The following ANO3 variants were observed in gnomAD, a reference collection of about 807,000 sequenced individuals.
ANO3 encodes anoctamin-3.
ANO3 carries 99 observed loss-of-function variants against 144.8 expected under a neutral mutation model. The observed-to-expected ratio is 0.68, with a 90% confidence interval of 0.58 to 0.81. ANO3 has a LOEUF of 0.81. Among genes scored for constraint, ANO3 ranks in the 30% least tolerant of loss-of-function variants. The pLI is 0.00. For synonymous variants in ANO3, 414 were observed against 392.6 expected (o/e 1.05, Z -0.64); for missense variants, 905 against 1,202.2 (o/e 0.75, Z 3.66).
chr11:26,204,806 A>T (rs1363084518), intron 1 of ANO3, among the ~76,000 whole-genome samples: 2 of 152,184 alleles, frequency 1.3e-5, no homozygotes, highest in Non-Finnish European at 2.9e-5. Context: ...GTGCTAAGGG[A>T]ATCAGATGTG....
chr11:26,426,692 T>C (rs1164353134), intron 1 of ANO3, among the ~76,000 whole-genome samples: 1 of 152,180 alleles, frequency 6.6e-6, no homozygotes, highest in African/African-American at 2.4e-5. Flanking sequence ...AGCTGCCTTG[T>C]GCCACAACTG....
intron 1 of ANO3, among the ~76,000 whole-genome samples, chr11:26,262,116 A>T (rs917798144): frequency 5.9e-5 from 9 of 152,160 alleles, no homozygotes; most frequent in Non-Finnish European, 7.3e-5. Flanking sequence ...GAATAGAGAA[A>T]ATTTAGCCCA....
intron 1 of ANO3, 52 bp from the exon 2 acceptor site, chr11:26,441,866 A>C: frequency 7.2e-7 from 1 of 1,388,278 alleles, no homozygotes; most frequent in Non-Finnish European, 1.0e-6. Flanking sequence ...CTTTTTATTG[A>C]CCTCTACTGA....
At chr11:26,294,221 C>A (rs1039631666) in intron 1 of ANO3, among the ~76,000 whole-genome samples, 6 of 152,128 alleles carry the variant, frequency 3.9e-5, no homozygotes, top group African/African-American at 1.4e-4. Flanking sequence ...ATGATTGCCT[C>A]AAGACTGTCA....
chr11:26,236,491 T>C (rs1461544264), intron 1 of ANO3, among the ~76,000 whole-genome samples: 1 of 152,150 alleles, frequency 6.6e-6, no homozygotes, highest in African/African-American at 2.4e-5. Context: ...CCTCATATCC[T>C]GTGAGATTTG....
At chr11:26,602,796 C>A (rs537551462) in intron 17 of ANO3, among the ~76,000 whole-genome samples, 4 of 151,748 alleles carry the variant, frequency 2.6e-5, no homozygotes, top group African/African-American at 4.8e-5. Flanking sequence ...GAACTTATTT[C>A]TTCTATCTAA....
chr11:26,418,714 GCA>G (rs539655845), intron 1 of ANO3, among the ~76,000 whole-genome samples: 6 of 151,098 alleles, frequency 4.0e-5, no homozygotes, highest in Admixed American at 2.0e-4. Flanking sequence ...GCGCGCGCGC[GCA>G]CACACACACA....
intron 1 of ANO3, among the ~76,000 whole-genome samples, chr11:26,303,424 C>G (rs1042777419): frequency 6.6e-6 from 1 of 152,164 alleles, no homozygotes; most frequent in African/African-American, 2.4e-5. Flanking sequence ...GGCCATTATC[C>G]TGAGCGAACT....
At chr11:26,342,763 G>C (rs1287348408) in intron 1 of ANO3, among the ~76,000 whole-genome samples, 8 of 152,104 alleles carry the variant, frequency 5.3e-5, no homozygotes, top group Admixed American at 2.0e-4. Flanking sequence ...GGCTTTTGCT[G>C]TTTATCTGAA....
chr11:26,550,590 A>C (rs1227833894), intron 12 of ANO3, among the ~76,000 whole-genome samples: 2 of 152,046 alleles, frequency 1.3e-5, no homozygotes, highest in Non-Finnish European at 2.9e-5. Flanking sequence ...GTTATCACAT[A>C]TGGCAGGATT....
intron 17 of ANO3, among the ~76,000 whole-genome samples, chr11:26,614,038 C>T (rs368752166): frequency 1.3e-5 from 2 of 152,196 alleles, no homozygotes; most frequent in African/African-American, 4.8e-5. Flanking sequence ...GCCATGCAGG[C>T]ACATGCATGC....
At chr11:26,335,772 G>A (rs1855176484) in intron 1 of ANO3, among the ~76,000 whole-genome samples, 1 of 152,114 alleles carries the variant, frequency 6.6e-6, no homozygotes, top group African/African-American at 2.4e-5. Flanking sequence ...GCTACTATAG[G>A]AAGTTTGAGA....
At chr11:26,612,296 C>A (rs1019680314) in intron 17 of ANO3, among the ~76,000 whole-genome samples, 1 of 151,588 alleles carries the variant, frequency 6.6e-6, no homozygotes, top group Non-Finnish European at 1.5e-5. Context: ...TTTCGGGCTA[C>A]CATGGGGCTA....
intron 9 of ANO3, among the ~76,000 whole-genome samples, chr11:26,535,621 C>T (rs1402647918): frequency 1.0e-4 from 13 of 124,908 alleles, no homozygotes; most frequent in East Asian, 2.4e-4. Context: ...CTTGCTCTGT[C>T]GCCCAGGCTG....
At chr11:26,404,774 G>A (rs1034246111) in intron 1 of ANO3, among the ~76,000 whole-genome samples, 1 of 151,570 alleles carries the variant, frequency 6.6e-6, no homozygotes, top group East Asian at 1.9e-4. Context: ...AAATACAATA[G>A]CAGTTTTACA....
intron 13 of ANO3, among the ~76,000 whole-genome samples, chr11:26,555,750 A>T (rs1468543295): frequency 6.6e-6 from 1 of 152,196 alleles, no homozygotes; most frequent in African/African-American, 2.4e-5. Context: ...TTGGATGGAA[A>T]TCAACAGTCT....
chr11:26,380,067 T>G (rs920793923), intron 1 of ANO3, among the ~76,000 whole-genome samples: 1 of 152,178 alleles, frequency 6.6e-6, no homozygotes, highest in African/African-American at 2.4e-5. Flanking sequence ...AGCATCATTC[T>G]TGTTGGCTTT....
Position 26,332,163 on chromosome 11 carries a change from A to G in ANO3, c.-113A>G, listed in dbSNP as rs1039276018. On this transcript the variant is annotated 5_prime_UTR_variant, in exon 1 of 27. Transcript: ENST00000256737. ...AAGTGCCGGCTACAGCAGGTGTCGGATTGCAGTGCGCTCGCTGAGGCTCCG... is the reference window on the plus strand; with the variant it reads ...AAGTGCCGGCTACAGCAGGTGTCGGGTTGCAGTGCGCTCGCTGAGGCTCCG... 2 of 1,593,604 alleles carry G rather than the reference A, an allele frequency of 1.3e-6. No individual in the cohort carries two copies. The highest frequency in any genetic ancestry group is 2.7e-5 in the African/African-American group (2 of 74,424).
At position 26,333,361 on chromosome 11, in the gene ANO3, A is replaced by T. The variant is rs987077281; in HGVS notation, c.46+1040A>T. 1.8e-4 allele frequency among the ~76,000 whole-genome samples: 27 copies of T among 150,702 alleles called. 3 individuals carry two copies. Among genetic ancestry groups the T allele is most frequent in the Admixed American group, 1.5e-3 (23 of 15,132 alleles). ...CAGTGGCGCGATCTCGGCTCACTGCAAGCTCTGCATCCCAGGTTCATGCCA... is the reference window on the plus strand; with the variant it reads ...CAGTGGCGCGATCTCGGCTCACTGCTAGCTCTGCATCCCAGGTTCATGCCA... On this transcript the variant is annotated intron_variant, in intron 1 of 26. Transcript: ENST00000256737.
Sources: gnomAD v4.1 joint callset for allele counts (sites outside exome capture counted in the v4.1 genomes callset) on GRCh38, gnomAD v4.1.1 for gene constraint, MANE v1.5 for transcripts, NCBI Gene and HGNC (gene_info 2026-07-23, HGNC 2026-07-21) for gene names.